Variants in DDAH1 observed in about 807,000 individuals in gnomAD.
DDAH1 encodes dimethylarginine dimethylaminohydrolase 1, also known as N(G),N(G)-dimethylarginine dimethylaminohydrolase 1.
DDAH1 carries 19 observed loss-of-function variants against 28.8 expected under a neutral mutation model. That is an observed-to-expected ratio of 0.66 (90% CI 0.46 to 0.97). The LOEUF (loss-of-function observed/expected upper bound fraction) is 0.97, where lower values mean the gene tolerates loss of function less well. Among genes scored for constraint, DDAH1 ranks in the 50% least tolerant of loss-of-function variants. DDAH1 has a pLI of 0.00. For synonymous variants in DDAH1, 153 were observed against 154.4 expected (o/e 0.99, Z 0.07); for missense variants, 326 against 375.9 (o/e 0.87, Z 1.10).
At chr1:85,527,317 T>G (rs1657906547) in intron 1 of DDAH1, among the ~76,000 whole-genome samples, 1 of 149,064 alleles carries the variant, frequency 6.7e-6, no homozygotes, top group African/African-American at 2.4e-5. Flanking sequence ...GAAAGGCTTG[T>G]GCAGCGGTCT....
chr1:85,566,774 ATG>A lies in DDAH1; in HGVS notation c.-123+11208_-123+11209del, dbSNP rs147913088. On this transcript the variant is annotated intron_variant, in intron 1 of 6. Coordinates refer to the DDAH1 transcript ENST00000426972. Reference sequence around the variant, plus strand: ...ACCAGAAAAATGTATGTATGTATATATGTGTGTGTGTGTGTACATGTGTGTAC... The same window carrying A: ...ACCAGAAAAATGTATGTATGTATATATGTGTGTGTGTGTACATGTGTGTAC... Among the ~76,000 whole-genome samples the A allele has an allele frequency of 1.1e-3, 167 of 151,498 alleles. 3 individuals are homozygous for A. In the East Asian group the frequency reaches 0.017, roughly 15 times the overall value.
At chr1:85,420,492 A>G (rs913488234) in intron 1 of DDAH1, among the ~76,000 whole-genome samples, 2 of 152,144 alleles carry the variant, frequency 1.3e-5, no homozygotes, top group African/African-American at 4.8e-5. Context: ...CCAGATAGAT[A>G]CCCTAGGTCA....
At chr1:85,501,975 C>T (rs1013844383) in intron 1 of DDAH1, among the ~76,000 whole-genome samples, 1 of 152,198 alleles carries the variant, frequency 6.6e-6, no homozygotes, top group African/African-American at 2.4e-5. Context: ...TCCTCTTTAT[C>T]CTTTAACCAT....
At chr1:85,440,702 G>T (rs12724823) in intron 1 of DDAH1, among the ~76,000 whole-genome samples, 24,213 of 152,206 alleles carry the variant, frequency 0.16, 2,322 homozygotes, top group Middle Eastern at 0.23. Flanking sequence ...AATCCGGGAA[G>T]TGGACGTCTG....
chr1:85,379,457 G>A, intron 1 of DDAH1: 1 of 313,628 alleles, frequency 3.2e-6, no homozygotes, highest in Non-Finnish European at 4.6e-6. Flanking sequence ...AATTTATAGT[G>A]ACAGGTAGAG....
At chr1:85,568,078 C>T (rs1659356069) in intron 1 of DDAH1, among the ~76,000 whole-genome samples, 1 of 151,878 alleles carries the variant, frequency 6.6e-6, no homozygotes, top group Non-Finnish European at 1.5e-5. Context: ...TCTAAATAAC[C>T]TGAGTCAAAA....
chr1:85,523,427 T>G (rs1401984327), intron 1 of DDAH1, among the ~76,000 whole-genome samples: 2 of 152,118 alleles, frequency 1.3e-5, no homozygotes, highest in African/African-American at 4.8e-5. Flanking sequence ...GAGACAGACA[T>G]TAAAGTCTCT....
At chr1:85,506,199 G>T (rs1312341387) in intron 1 of DDAH1, among the ~76,000 whole-genome samples, 3 of 152,160 alleles carry the variant, frequency 2.0e-5, no homozygotes, top group Non-Finnish European at 2.9e-5. Context: ...GAATGGTCTT[G>T]CCTGCTGGGT....
chr1:85,536,007 T>TC lies in DDAH1; in HGVS notation c.-122-39727dup, dbSNP rs1377235286. Among the ~76,000 whole-genome samples the TC allele has an allele frequency of 2.6e-5, 4 of 152,024 alleles. No homozygotes were observed. In the East Asian group the frequency reaches 5.9e-4, roughly 22 times the overall value. Reference sequence around the variant, plus strand: ...CGGGTGTGGTGGCTTGTGCTTGTAATCCCATCACTTTGGGAGGCTAAGTTG... The same window carrying TC: ...CGGGTGTGGTGGCTTGTGCTTGTAATCCCCATCACTTTGGGAGGCTAAGTTG... On this transcript the variant is annotated intron_variant, in intron 1 of 6. Coordinates refer to the DDAH1 transcript ENST00000426972.
At chr1:85,460,258 T>C (rs1655068280) in intron 1 of DDAH1, among the ~76,000 whole-genome samples, 1 of 152,200 alleles carries the variant, frequency 6.6e-6, no homozygotes, top group Non-Finnish European at 1.5e-5. Flanking sequence ...AACCAAAATA[T>C]ATAGGTCCTA....
chr1:85,538,883 T>C (rs1658379284), intron 1 of DDAH1, among the ~76,000 whole-genome samples: 1 of 152,204 alleles, frequency 6.6e-6, no homozygotes, highest in South Asian at 2.1e-4. Context: ...TTTTCTTTTC[T>C]CTTTGGAGAA....
At chr1:85,497,592 T>C (rs1369463253) in intron 1 of DDAH1, among the ~76,000 whole-genome samples, 2 of 152,210 alleles carry the variant, frequency 1.3e-5, no homozygotes, top group Non-Finnish European at 2.9e-5. Flanking sequence ...CCAAAGGAAA[T>C]AGAAATTTAA....
At chr1:85,436,045 C>A (rs965931523) in intron 1 of DDAH1, among the ~76,000 whole-genome samples, 3 of 151,900 alleles carry the variant, frequency 2.0e-5, no homozygotes, top group African/African-American at 7.3e-5. Flanking sequence ...AAGTGATCTG[C>A]CCACATCGGC....
At chr1:85,501,155 T>C (rs1656803777) in intron 1 of DDAH1, among the ~76,000 whole-genome samples, 1 of 152,222 alleles carries the variant, frequency 6.6e-6, no homozygotes. Context: ...AACGCTACAT[T>C]ATCAGGTCTG....
intron 1 of DDAH1, among the ~76,000 whole-genome samples, chr1:85,453,365 T>C (rs1397707888): frequency 6.6e-6 from 1 of 152,168 alleles, no homozygotes; most frequent in East Asian, 1.9e-4. Flanking sequence ...TCCCCATTTT[T>C]TCTCATGTAA....
At chr1:85,366,634 T>C (rs1456321284) in intron 1 of DDAH1, among the ~76,000 whole-genome samples, 1 of 152,038 alleles carries the variant, frequency 6.6e-6, no homozygotes, top group Non-Finnish European at 1.5e-5. Context: ...TTACTGAAAA[T>C]ACCCCAGATG....
intron 1 of DDAH1, among the ~76,000 whole-genome samples, chr1:85,400,177 C>CTTTTTTTTCTTTTTT (rs1652003635): frequency 9.1e-5 from 5 of 54,942 alleles, no homozygotes; most frequent in Non-Finnish European, 2.0e-4. Context: ...CTTTTCTTTT[C>CTTTTTTTTCTTTTTT]TTTTTTTTTT....
intron 1 of DDAH1, among the ~76,000 whole-genome samples, chr1:85,509,648 C>T (rs1657153496): frequency 6.6e-6 from 1 of 152,112 alleles, no homozygotes. Flanking sequence ...CCTTAAATGA[C>T]CTGATGGAGC....
chr1:85,524,800 G>A (rs1337202326), intron 1 of DDAH1, among the ~76,000 whole-genome samples: 5 of 151,124 alleles, frequency 3.3e-5, no homozygotes, highest in Admixed American at 6.6e-5. Context: ...AATGAAGCAC[G>A]CAGTGTCCCA....
Sources: allele counts gnomAD v4.1 joint callset (sites outside exome capture counted in the v4.1 genomes callset), GRCh38; gene constraint gnomAD v4.1.1; transcripts MANE v1.5; gene names NCBI Gene and HGNC (gene_info 2026-07-23, HGNC 2026-07-21).